Variants in RALGPS2 observed in about 807,000 individuals in gnomAD.
RALGPS2 encodes Ral GEF with PH domain and SH3 binding motif 2.
Under a neutral mutation model 86.8 loss-of-function variants are expected in RALGPS2, and 43 were observed. That is an observed-to-expected ratio of 0.50 (90% CI 0.39 to 0.64). The LOEUF is 0.64. Ranked by LOEUF, RALGPS2 falls within the 30% of genes least tolerant of loss-of-function variation. RALGPS2 has a pLI of 0.00. For missense variants in RALGPS2, 536 were observed against 694.6 expected (o/e 0.77, Z 2.57); for synonymous variants, 243 against 231.3 (o/e 1.05, Z -0.46).
chr1:178,899,005 A>G (rs907151556), intron 17 of RALGPS2, among the ~76,000 whole-genome samples: 2 of 151,978 alleles, frequency 1.3e-5, no homozygotes, highest in African/African-American at 2.4e-5. Flanking sequence ...GTAACTTTTC[A>G]CATAGCCACA....
At chr1:178,794,541 T>C (rs1159517115) in intron 4 of RALGPS2, among the ~76,000 whole-genome samples, 2 of 152,176 alleles carry the variant, frequency 1.3e-5, no homozygotes, top group African/African-American at 2.4e-5. Context: ...ATTTAGAGGA[T>C]TTTTGTTTTA....
chr1:178,773,171 A>G (rs1003656279), intron 1 of RALGPS2, among the ~76,000 whole-genome samples: 23 of 152,178 alleles, frequency 1.5e-4, no homozygotes, highest in Non-Finnish European at 1.0e-4. Flanking sequence ...TGTAATAGTG[A>G]TACCCTGTCT....
chr1:178,827,599 T>G (rs1169354804), intron 7 of RALGPS2, among the ~76,000 whole-genome samples: 1 of 151,666 alleles, frequency 6.6e-6, no homozygotes, highest in Non-Finnish European at 1.5e-5. Flanking sequence ...GTTTCACCAT[T>G]TTAGCCGGGA....
At chr1:178,749,456 A>G (rs899750411) in intron 1 of RALGPS2, among the ~76,000 whole-genome samples, 1 of 152,246 alleles carries the variant, frequency 6.6e-6, no homozygotes, top group Admixed American at 6.5e-5. Context: ...CAGTTTACTA[A>G]TAACACTTGG....
intron 1 of RALGPS2, among the ~76,000 whole-genome samples, chr1:178,765,665 C>T (rs1292507593): frequency 1.3e-5 from 2 of 152,124 alleles, no homozygotes; most frequent in Non-Finnish European, 2.9e-5. Context: ...CCTAATAAGC[C>T]TGAGAGCGCT....
intron 2 of RALGPS2, among the ~76,000 whole-genome samples, chr1:178,779,645 A>C (rs1364137222): frequency 5.3e-5 from 8 of 152,252 alleles, no homozygotes; most frequent in African/African-American, 1.9e-4. Flanking sequence ...CACAACCATA[A>C]AGAAAATAGT....
intron 1 of RALGPS2, among the ~76,000 whole-genome samples, chr1:178,763,526 C>A (rs1403853675): frequency 6.6e-6 from 1 of 152,166 alleles, no homozygotes; most frequent in African/African-American, 2.4e-5. Flanking sequence ...TTTCTTTGAG[C>A]AGTGTTTTAT....
chr1:178,793,059 C>T (rs909647572), intron 4 of RALGPS2, among the ~76,000 whole-genome samples: 2 of 152,120 alleles, frequency 1.3e-5, no homozygotes, highest in Non-Finnish European at 2.9e-5. Flanking sequence ...CTCAATAAAT[C>T]CTTAATTACT....
intron 1 of RALGPS2, chr1:178,747,287 T>C: frequency 6.6e-7 from 1 of 1,521,458 alleles, no homozygotes; most frequent in South Asian, 1.1e-5. Context: ...AGCTGGTGAT[T>C]GAGGGACTCC....
chr1:178,793,540 C>G (rs536689379), intron 4 of RALGPS2, among the ~76,000 whole-genome samples: 4 of 151,576 alleles, frequency 2.6e-5, no homozygotes, highest in African/African-American at 9.7e-5. Context: ...ATGCCCAGCC[C>G]GGGAGTCTTA....
intron 2 of RALGPS2, among the ~76,000 whole-genome samples, chr1:178,781,186 G>A (rs1653376377): frequency 6.6e-6 from 1 of 152,104 alleles, no homozygotes; most frequent in African/African-American, 2.4e-5. Context: ...CTTCAGAGTA[G>A]TATAATTAGC....
chr1:178,749,830 C>CA (rs1457790865), intron 1 of RALGPS2, among the ~76,000 whole-genome samples: 38 of 152,100 alleles, frequency 2.5e-4, no homozygotes, highest in Non-Finnish European at 4.4e-5. Context: ...TGTGGTGGCT[C>CA]ACGCTTGTAA....
At chr1:178,883,774 A>G (rs1350218024) in intron 11 of RALGPS2, among the ~76,000 whole-genome samples, 6 of 152,188 alleles carry the variant, frequency 3.9e-5, no homozygotes, top group Non-Finnish European at 7.3e-5. Context: ...TCACAGGGTC[A>G]GGAGATCAAG....
chr1:178,767,681 T>C (rs1369511127), intron 1 of RALGPS2, among the ~76,000 whole-genome samples: 3 of 152,194 alleles, frequency 2.0e-5, no homozygotes, highest in Non-Finnish European at 2.9e-5. Context: ...GTTGCAGATA[T>C]GGCCTGTCTG....
chr1:178,784,550 GT>G lies in RALGPS2; in HGVS notation c.162+32del, dbSNP rs757431599. 4.7e-4 allele frequency: 699 copies of G among 1,502,094 alleles called. 1 individual carries two copies. Among genetic ancestry groups the G allele is most frequent in the Non-Finnish European group, 2.7e-4 (292 of 1,100,792 alleles). 93.0% of individuals were successfully genotyped at this position (1,502,094 alleles called of 1,614,324 possible). On this transcript the variant is annotated intron_variant, in intron 3 of 19. Transcript: ENST00000367635. ...AAGCCTCCTACCTCTGTCTTCTCCG[GT>G]TTTGCACATAATTTACATATTGGTG... is the stretch of plus-strand genomic sequence containing the variant.
At chr1:178,898,579 A>G (rs528979463) in intron 17 of RALGPS2, among the ~76,000 whole-genome samples, 6 of 152,074 alleles carry the variant, frequency 3.9e-5, no homozygotes, top group Non-Finnish European at 5.9e-5. Context: ...GCCTTTCTTT[A>G]TCAGCTATAC....
rs370114885 is a variant in RALGPS2, at chr1:178,892,257, G to A, written c.1275G>A (p.Pro425=). 9.1e-5 allele frequency: 147 copies of A among 1,612,410 alleles called. No individual in the cohort carries two copies. The highest frequency in any genetic ancestry group is 1.5e-4 in the African/African-American group (11 of 74,776). Residue 425 remains proline (P), a synonymous_variant, in exon 15 of 20, where the codon CCG becomes CCA. Transcript: ENST00000367635. ...ACAGATTATACCATTCTCTCGGCCC[G>A]GTGACAAGAGTGGCACGAAATGGCT... ...ERNRLYHSLG[P]VTRVARNGYR...
intron 8 of RALGPS2, among the ~76,000 whole-genome samples, chr1:178,872,108 C>G (rs952086262): frequency 6.6e-6 from 1 of 152,182 alleles, no homozygotes; most frequent in African/African-American, 2.4e-5. Flanking sequence ...TACCTAGTTG[C>G]TGTAAGCTGC....
At chr1:178,892,072 T>G (rs1659735327) in intron 14 of RALGPS2, among the ~76,000 whole-genome samples, 158 bp from the exon 15 acceptor site, 1 of 152,220 alleles carries the variant, frequency 6.6e-6, no homozygotes, top group South Asian at 2.1e-4. Flanking sequence ...CTATGCTGCA[T>G]GCTTTAAAAA....
Sources: gnomAD v4.1 joint callset for allele counts (sites outside exome capture counted in the v4.1 genomes callset) on GRCh38, gnomAD v4.1.1 for gene constraint, MANE v1.5 for transcripts, NCBI Gene and HGNC (gene_info 2026-07-23, HGNC 2026-07-21) for gene names.